Variants in ADAM22 observed in about 807,000 individuals in gnomAD.
ADAM22 encodes the protein ADAM metallopeptidase domain 22.
Under a neutral mutation model 144.6 loss-of-function variants are expected in ADAM22, and 65 were observed. The ratio of observed to expected loss-of-function variants is 0.45; its 90% CI spans 0.37 to 0.55. The LOEUF (loss-of-function observed/expected upper bound fraction) is 0.55. Ranked by LOEUF, ADAM22 falls within the 20% of genes least tolerant of loss-of-function variation. The probability of loss-of-function intolerance (pLI) is 0.00; values close to 1 mark genes in which losing one functional copy is unlikely to be tolerated. For synonymous variants in ADAM22, 391 were observed against 412.6 expected, an observed-to-expected ratio of 0.95 and a Z score of 0.63; for missense variants, 974 against 1,184.9, an observed-to-expected ratio of 0.82 and a Z score of 2.61.
At chr7:88,068,486 A>G (rs2129478158) in intron 3 of ADAM22, among the ~76,000 whole-genome samples, 2 of 152,248 alleles carry the variant, frequency 1.3e-5, no homozygotes, top group African/African-American at 4.8e-5. Flanking sequence ...ATTCTTTTAT[A>G]TTGGTCCAAA....
rs1299356257 is a variant in ADAM22, at chr7:88,201,174, T to G, written c.*4683T>G. 2 of 152,248 alleles carry G rather than the reference T, an allele frequency of 1.3e-5. No homozygotes were observed. Among genetic ancestry groups the G allele is most frequent in the Non-Finnish European group, 2.9e-5 (2 of 68,054 alleles). 9.4% of individuals were successfully genotyped at this position (152,248 alleles called of 1,614,324 possible). ...TCCCGCAAATGGAGCAACTTCTGGT[T>G]GTTTGTAAGCAGAAAAACAAAACAT... On this transcript the variant is annotated 3_prime_UTR_variant, in exon 32 of 32. Transcript: ENST00000413139.
intron 4 of ADAM22, among the ~76,000 whole-genome samples, chr7:88,089,231 A>G (rs1819207019): frequency 6.6e-6 from 1 of 152,224 alleles, no homozygotes; most frequent in South Asian, 2.1e-4. Context: ...GGCTCTTTCT[A>G]TAAGAGTAAG....
chr7:87,973,651 T>A (rs1177234715), intron 2 of ADAM22, among the ~76,000 whole-genome samples: 3 of 152,156 alleles, frequency 2.0e-5, no homozygotes, highest in South Asian at 4.1e-4. Flanking sequence ...ATGTTTATTG[T>A]GGCACTATTC....
chr7:87,979,300 A>G (rs995337682), intron 3 of ADAM22, among the ~76,000 whole-genome samples: 35 of 152,210 alleles, frequency 2.3e-4, no homozygotes, highest in African/African-American at 8.2e-4. Flanking sequence ...ACTTAGGACC[A>G]TGTTATCTGG....
chr7:88,012,369 GT>G (rs1233006230), intron 3 of ADAM22, among the ~76,000 whole-genome samples: 3 of 151,724 alleles, frequency 2.0e-5, no homozygotes, highest in East Asian at 3.9e-4. Context: ...TCTTCAGACT[GT>G]TTTTTTTCTT....
intron 2 of ADAM22, among the ~76,000 whole-genome samples, chr7:87,970,949 GTT>G (rs1850287646): frequency 6.6e-6 from 1 of 152,032 alleles, no homozygotes; most frequent in South Asian, 2.1e-4. Flanking sequence ...TGAATCTTTT[GTT>G]TCACAGCTTC....
intron 2 of ADAM22, among the ~76,000 whole-genome samples, chr7:87,944,065 A>G (rs1842977264): frequency 6.6e-6 from 1 of 151,802 alleles, no homozygotes; most frequent in African/African-American, 2.4e-5. Flanking sequence ...GTTGTGTGAG[A>G]CCACTTATTC....
chr7:87,976,869 T>TTC (rs1554367219), intron 2 of ADAM22, among the ~76,000 whole-genome samples: 1 of 148,118 alleles, frequency 6.8e-6, no homozygotes, highest in African/African-American at 2.5e-5. Context: ...GTTTTTTATT[T>TTC]CTTTTTTTTT....
intron 5 of ADAM22, 151 bp downstream of exon 5, chr7:88,108,409 T>C: frequency 1.4e-6 from 1 of 694,900 alleles, no homozygotes; most frequent in Non-Finnish European, 2.3e-6. Flanking sequence ...TTTTGTATTT[T>C]ATAAACCAAG....
At chr7:88,146,400 T>C (rs1367060506) in intron 17 of ADAM22, among the ~76,000 whole-genome samples, 2 of 152,270 alleles carry the variant, frequency 1.3e-5, no homozygotes, top group East Asian at 3.8e-4. Flanking sequence ...CCAGAGATTA[T>C]GCTAAGGACT....
chr7:88,065,485 GCC>G (rs1810998538), intron 3 of ADAM22, among the ~76,000 whole-genome samples: 1 of 151,970 alleles, frequency 6.6e-6, no homozygotes, highest in Non-Finnish European at 1.5e-5. Context: ...ATTTTAAGGT[GCC>G]AAAATAAGAT....
intron 23 of ADAM22, 66 bp from the exon 24 acceptor site, chr7:88,165,766 G>A: frequency 1.9e-6 from 2 of 1,063,722 alleles, no homozygotes; most frequent in South Asian, 3.1e-5. Flanking sequence ...TAAGAAATTA[G>A]TGTTTATTTT....
chr7:88,082,400 G>C (rs1816984856), intron 4 of ADAM22, among the ~76,000 whole-genome samples: 1 of 152,170 alleles, frequency 6.6e-6, no homozygotes, highest in East Asian at 1.9e-4. Flanking sequence ...GAAAACCTAG[G>C]CAATACCATT....
intron 2 of ADAM22, among the ~76,000 whole-genome samples, chr7:87,966,045 C>T (rs1019079158): frequency 1.3e-5 from 2 of 152,172 alleles, no homozygotes; most frequent in African/African-American, 4.8e-5. Context: ...GTTTTTCTCA[C>T]AGCATTCTGT....
At chr7:88,104,052 G>T (rs139970489) in intron 4 of ADAM22, among the ~76,000 whole-genome samples, 2 of 152,064 alleles carry the variant, frequency 1.3e-5, no homozygotes, top group Non-Finnish European at 2.9e-5. Context: ...ATAGAAGTGC[G>T]CAGGAATATA....
intron 3 of ADAM22, among the ~76,000 whole-genome samples, chr7:87,990,780 A>C (rs1018557586): frequency 2.0e-5 from 3 of 152,086 alleles, no homozygotes; most frequent in African/African-American, 7.2e-5. Flanking sequence ...CTCATGCCTC[A>C]GTCTCCCGAG....
intron 2 of ADAM22, among the ~76,000 whole-genome samples, chr7:87,950,808 C>CACATTAAAAA (rs1844874414): frequency 6.7e-6 from 1 of 149,336 alleles, no homozygotes; most frequent in Non-Finnish European, 1.5e-5. Context: ...CTGTTGTTTC[C>CACATTAAAAA]TGACTTTTTA....
At chr7:88,080,146 C>G (rs1816071688) in intron 4 of ADAM22, among the ~76,000 whole-genome samples, 2 of 152,180 alleles carry the variant, frequency 1.3e-5, no homozygotes, top group South Asian at 4.1e-4. Context: ...AACAAACTGT[C>G]TCCCAGACCA....
intron 29 of ADAM22, among the ~76,000 whole-genome samples, chr7:88,182,503 T>G (rs1469585531): frequency 6.6e-6 from 1 of 152,196 alleles, no homozygotes; most frequent in Non-Finnish European, 1.5e-5. Context: ...TCTCTCAGAC[T>G]AATGGAATAA....
Sources: gnomAD v4.1 joint callset for allele counts (sites outside exome capture counted in the v4.1 genomes callset) on GRCh38, gnomAD v4.1.1 for gene constraint, MANE v1.5 for transcripts, NCBI Gene and HGNC (gene_info 2026-07-23, HGNC 2026-07-21) for gene names.